Variants in CLPP observed in about 807,000 individuals in gnomAD.
CLPP encodes ATP-dependent Clp protease proteolytic subunit, mitochondrial.
In CLPP, 14 loss-of-function variants were observed where a neutral mutation model predicts 27.4. The ratio of observed to expected loss-of-function variants is 0.51; its 90% CI spans 0.34 to 0.80. The LOEUF is 0.80. Ranked by LOEUF, CLPP falls within the 30% of genes least tolerant of loss-of-function variation. CLPP has a pLI of 0.02. For synonymous variants in CLPP, 193 were observed against 166.6 expected (o/e 1.16, Z -1.22); for missense variants, 361 against 403.6 (o/e 0.89, Z 0.90).
At position 6,368,752 on chromosome 19, in the gene CLPP, G is replaced by T; in HGVS notation, c.*42G>T. The T allele has an allele frequency of 6.5e-7, 1 of 1,529,202 alleles. No homozygotes were observed. The highest frequency in any genetic ancestry group is 8.8e-7 in the Non-Finnish European group (1 of 1,134,296). 94.7% of individuals were successfully genotyped at this position (1,529,202 alleles called of 1,614,324 possible). On this transcript the variant is annotated 3_prime_UTR_variant, in exon 6 of 6. Transcript: ENST00000245816. ...CCAGAATCATGTGGAGGGGCCAGAG[G>T]CCTGCCAGACCCCCAGCTGGGCCCT...
At position 6,369,338 on chromosome 19, in the gene CLPP, C is replaced by T. The variant is rs575545158; in HGVS notation, c.*628C>T. ...GGCTGAGGCAGAAGAATTGCTTGAA[C>T]TTAGGAGGTGGAGGTTGCAGTGAGC... On this transcript the variant is annotated 3_prime_UTR_variant, in exon 6 of 6. Transcript: ENST00000245816. Among the ~76,000 whole-genome samples, 8 of 151,494 alleles carry T rather than the reference C, an allele frequency of 5.3e-5. No homozygotes were observed. Among genetic ancestry groups the T allele is most frequent in the African/African-American group, 9.7e-5 (4 of 41,210 alleles).
In CLPP at chr19:6,369,823, A is replaced by G. The variant is rs994932600; in HGVS notation, c.*1113A>G. Among the ~76,000 whole-genome samples, 7 of 151,932 alleles carry G rather than the reference A, an allele frequency of 4.6e-5. No individual in the cohort carries two copies. The highest frequency in any genetic ancestry group is 8.8e-5 in the Non-Finnish European group (6 of 67,972). On this transcript the variant is annotated 3_prime_UTR_variant, in exon 6 of 6. Transcript: ENST00000245816. ...AAAAAAAAAAGTGGAGGTGATTGAG[A>G]ATAGATCATAAAAGGCCTGACATCT...
At position 6,366,377 on chromosome 19, in the gene CLPP, T is replaced by C; in HGVS notation, c.661+14T>C. 6.3e-7 allele frequency: 1 copy of C among 1,587,422 alleles called. No homozygotes were observed. Among genetic ancestry groups the C allele is most frequent in the South Asian group, 1.1e-5 (1 of 89,150 alleles). The stretch of plus-strand genomic sequence containing the variant: ...TGCAGGTGATCGGTAAGCACCCTCC[T>C]TTATTTCATCCTGGTCCGTGCACAG... On this transcript the variant is annotated intron_variant, in intron 5 of 5. Transcript: ENST00000245816.
At position 6,364,468 on chromosome 19, in the gene CLPP, G is replaced by C. The variant is rs376053962; in HGVS notation, c.384G>C (p.Ala128=). 3.1e-6 allele frequency: 5 copies of C among 1,608,800 alleles called. No individual in the cohort carries two copies. Among genetic ancestry groups the C allele is most frequent in the Non-Finnish European group, 3.4e-6 (4 of 1,178,806 alleles). The change falls in exon 4 of 6, where the codon GCG becomes GCC. Residue 128 remains alanine, a synonymous_variant. Transcript: ENST00000245816. Reference sequence around the variant, plus strand: ...CGCCCACAGGTGGTGTGGTGACCGCGGGCCTGGCCATCTACGACACGATGC... The same window carrying C: ...CGCCCACAGGTGGTGTGGTGACCGCCGGCCTGGCCATCTACGACACGATGC... ...YINSPGGVVT[A]GLAIYDTMQY...
chr19:6,366,319 A>G lies in CLPP; in HGVS notation c.617A>G (p.Tyr206Cys), dbSNP rs757787039. 26 of 1,612,752 alleles carry G rather than the reference A, an allele frequency of 1.6e-5. No homozygotes were observed. The highest frequency in any genetic ancestry group is 5.0e-5 in the Admixed American group (3 of 59,788). The change falls in exon 5 of 6, where the codon TAT (tyrosine) becomes TGT (cysteine). Residue 206 changes from tyrosine to cysteine, a missense_variant. Transcript: ENST00000245816. ...EEIMKLKKQLYNIYAKHTKQS... is the reference protein window; with the variant it reads ...EEIMKLKKQLCNIYAKHTKQS... ...ATCATGAAGCTCAAGAAGCAGCTCTATAACATCTACGCCAAGCACACCAAA... is the reference window on the plus strand; with the variant it reads ...ATCATGAAGCTCAAGAAGCAGCTCTGTAACATCTACGCCAAGCACACCAAA...
chr19:6,369,654 G>C lies in CLPP; in HGVS notation c.*944G>C, dbSNP rs558243059. 8.5e-4 allele frequency among the ~76,000 whole-genome samples: 130 copies of C among 152,142 alleles called. No individual in the cohort carries two copies. Among genetic ancestry groups the C allele is most frequent in the South Asian group, 2.9e-3 (14 of 4,822 alleles). Reference sequence around the variant, plus strand: ...ATGAGGAGGCCCGTGGCTGAGGGAAGGTGGAAGAGAGGAGATCAAAAAGTA... The same window carrying C: ...ATGAGGAGGCCCGTGGCTGAGGGAACGTGGAAGAGAGGAGATCAAAAAGTA... On this transcript the variant is annotated 3_prime_UTR_variant, in exon 6 of 6. Transcript: ENST00000245816.
intron 3 of CLPP, among the ~76,000 whole-genome samples, chr19:6,363,419 G>A (rs2091846345): frequency 6.6e-6 from 1 of 152,082 alleles, no homozygotes; most frequent in Admixed American, 6.6e-5. Flanking sequence ...CACCACGCCT[G>A]GCCTGATTTC....
At chr19:6,363,656 G>A (rs992303002) in intron 3 of CLPP, among the ~76,000 whole-genome samples, 7 of 152,058 alleles carry the variant, frequency 4.6e-5, no homozygotes, top group Non-Finnish European at 1.0e-4. Flanking sequence ...CCAGCACTTT[G>A]GGAGGCTGAA....
Position 6,362,264 on chromosome 19 carries a change from C to T in CLPP, c.271-182C>T, listed in dbSNP as rs2091839104. The T allele has an allele frequency of 1.2e-5, 7 of 593,688 alleles. No individual in the cohort carries two copies. The East Asian group carries it at 2.0e-4, about 17-fold the overall frequency. 36.8% of individuals were successfully genotyped at this position (593,688 alleles called of 1,614,324 possible). On this transcript the variant is annotated intron_variant, in intron 2 of 5. Coordinates refer to ENST00000245816, the MANE Select transcript of CLPP (RefSeq NM_006012.4). The stretch of plus-strand genomic sequence containing the variant: ...CCCCTGACTCCCCCCTTCCTGTGCT[C>T]CAAACCCCCTGGGTCCTCTCCACTA...
chr19:6,362,401 T>A (rs748882972), intron 2 of CLPP, 45 bp from the exon 3 acceptor site: 69 of 1,401,188 alleles, frequency 4.9e-5, no homozygotes, highest in Middle Eastern at 3.5e-4. Flanking sequence ...TAAAACTCTC[T>A]CCCCACCCCG....
rs566418378 is a variant in CLPP at position 6,369,272 on chromosome 19, T to C, written c.*562T>C. 1.3e-5 allele frequency among the ~76,000 whole-genome samples: 2 copies of C among 151,942 alleles called. No homozygotes were observed. Among genetic ancestry groups the C allele is most frequent in the Non-Finnish European group, 2.9e-5 (2 of 67,984 alleles). On this transcript the variant is annotated 3_prime_UTR_variant, in exon 6 of 6. Transcript: ENST00000245816. ...CCCATTTCTACTAAAAATACAAAAA[T>C]TAGCCGAGCGTGGTGCACCTGTAAT...
rs1365897434 is a variant in CLPP, at chr19:6,362,560, T to A, written c.367+18T>A. ...CAGCCCTGGTGAGCAGGGTCTTTCCTGGGTGCCAGGGGCACTCGTCAGGGC... is the reference window on the plus strand; with the variant it reads ...CAGCCCTGGTGAGCAGGGTCTTTCCAGGGTGCCAGGGGCACTCGTCAGGGC... On this transcript the variant is annotated intron_variant, in intron 3 of 5. Transcript: ENST00000245816. 27 of 1,581,124 alleles carry A rather than the reference T, an allele frequency of 1.7e-5. No homozygotes were observed. The highest frequency in any genetic ancestry group is 2.3e-5 in the Non-Finnish European group (27 of 1,150,216).
Position 6,364,632 on chromosome 19 carries a change from G to A in CLPP, c.548G>A (p.Gly183Asp). 6.2e-7 allele frequency: 1 copy of A among 1,609,692 alleles called. No homozygotes were observed. ...ATCATGATCCACCAGCCCTCAGGAG[G>A]CGCCCGGGTGAGTGCCAGACACGCG... ...SRIMIHQPSG[G>D]ARGQATDIAI... The change falls in exon 4 of 6, where the codon GGC (glycine) becomes GAC (aspartate). Residue 183 changes from glycine to aspartate, a missense_variant. Physicochemically the swap from Gly to Asp is moderately conservative, Grantham distance 94 (BLOSUM62 -1). Coordinates refer to ENST00000245816, the MANE Select transcript of CLPP (RefSeq NM_006012.4).
At chr19:6,363,026 GCT>G (rs2091843955) in intron 3 of CLPP, among the ~76,000 whole-genome samples, 1 of 152,022 alleles carries the variant, frequency 6.6e-6, no homozygotes, top group East Asian at 1.9e-4. Flanking sequence ...GGAGGTCGAG[GCT>G]GTAGTGAGCC....
At chr19:6,363,950 A>G (rs939348114) in intron 3 of CLPP, among the ~76,000 whole-genome samples, 1 of 151,288 alleles carries the variant, frequency 6.6e-6, no homozygotes, top group African/African-American at 2.4e-5. Flanking sequence ...TGTAATCCCA[A>G]CACTTTGGGA....
At position 6,361,554 on chromosome 19, in the gene CLPP, C is replaced by T; in HGVS notation, c.-21C>T. 2 of 1,386,988 alleles carry T rather than the reference C, an allele frequency of 1.4e-6. No individual in the cohort carries two copies. Among genetic ancestry groups the T allele is most frequent in the Admixed American group, 3.4e-5 (1 of 29,652 alleles). 85.9% of individuals were successfully genotyped at this position (1,386,988 alleles called of 1,614,324 possible). A position where few individuals can be genotyped will look rare whatever the true frequency, so the allele number is the denominator to read the frequency against. On this transcript the variant is annotated 5_prime_UTR_variant, in exon 1 of 6. Transcript: ENST00000245816. Reference sequence around the variant, plus strand: ...CTGTAGTTCCGCCATCGGACGGAAGCCGACCGGGGCGTGCGGAGGGATGTG... The same window carrying T: ...CTGTAGTTCCGCCATCGGACGGAAGTCGACCGGGGCGTGCGGAGGGATGTG...
At chr19:6,367,204 G>A (rs935156035) in intron 5 of CLPP, among the ~76,000 whole-genome samples, 7 of 151,680 alleles carry the variant, frequency 4.6e-5, no homozygotes, top group Admixed American at 2.0e-4. Flanking sequence ...GTGAAACCCC[G>A]TCTCTACCAA....
chr19:6,363,244 A>T (rs887488118), intron 3 of CLPP, among the ~76,000 whole-genome samples: 3 of 151,622 alleles, frequency 2.0e-5, no homozygotes, highest in Admixed American at 6.6e-5. Context: ...CTCCAGCTTC[A>T]GCCTCTCAAG....
Position 6,369,285 on chromosome 19 carries a change from G to A in CLPP, c.*575G>A, listed in dbSNP as rs2091876821. ...AAAATACAAAAATTAGCCGAGCGTG[G>A]TGCACCTGTAATCCCAGCTACTCCG... is the stretch of plus-strand genomic sequence containing the variant. On this transcript the variant is annotated 3_prime_UTR_variant, in exon 6 of 6. Coordinates refer to ENST00000245816, the MANE Select transcript of CLPP (RefSeq NM_006012.4). Among the ~76,000 whole-genome samples the A allele has an allele frequency of 1.3e-5, 2 of 152,050 alleles. No homozygotes were observed. The highest frequency in any genetic ancestry group is 4.8e-5 in the African/African-American group (2 of 41,392).
Sources: allele counts gnomAD v4.1 joint callset (sites outside exome capture counted in the v4.1 genomes callset), GRCh38; gene constraint gnomAD v4.1.1; transcripts MANE v1.5; gene names NCBI Gene and HGNC (gene_info 2026-07-23, HGNC 2026-07-21).